Variants in QKI observed in about 807,000 individuals in gnomAD.
QKI encodes QKI, KH domain containing RNA binding, also known as KH domain-containing RNA-binding protein QKI.
QKI carries 10 observed loss-of-function variants against 39.0 expected under a neutral mutation model. The observed-to-expected ratio is 0.26, with a 90% CI of 0.16 to 0.43. The LOEUF (loss-of-function observed/expected upper bound fraction) is 0.43, where lower values mean the gene tolerates loss of function less well. Ranked by LOEUF, QKI falls within the 20% of genes least tolerant of loss-of-function variation. The pLI is 1.00. For missense variants in QKI, 218 were observed against 428.0 expected, an observed-to-expected ratio of 0.51 and a Z score of 4.33; for synonymous variants, 204 against 155.4, an observed-to-expected ratio of 1.31 and a Z score of -2.33.
intron 4 of QKI, among the ~76,000 whole-genome samples, chr6:163,539,029 T>C (rs57992259): frequency 0.02 from 2,990 of 152,280 alleles, 94 homozygotes; most frequent in African/African-American, 0.068. Flanking sequence ...GAATTAAGAA[T>C]TGTCATTAGA....
intron 1 of QKI, among the ~76,000 whole-genome samples, chr6:163,421,051 A>G (rs1760124399): frequency 6.6e-6 from 1 of 151,222 alleles, no homozygotes; most frequent in Admixed American, 6.8e-5. Context: ...TCTCAAAGAT[A>G]GGGTATGTGC....
At chr6:163,436,414 C>A (rs1438830651) in intron 1 of QKI, among the ~76,000 whole-genome samples, 1 of 152,044 alleles carries the variant, frequency 6.6e-6, no homozygotes, top group Admixed American at 6.6e-5. Context: ...AAGTTTAAAG[C>A]AAGTATGAGA....
At chr6:163,485,363 G>A (rs1171539288) in intron 3 of QKI, among the ~76,000 whole-genome samples, 1 of 152,214 alleles carries the variant, frequency 6.6e-6, no homozygotes, top group Admixed American at 6.5e-5. Context: ...ACAGGTGGGA[G>A]TCAGCTGGTT....
At chr6:163,564,915 A>G (rs1161930259) in intron 6 of QKI, 2 of 1,362,408 alleles carry the variant, frequency 1.5e-6, no homozygotes, top group Non-Finnish European at 9.4e-7. Context: ...CAGCATTAAT[A>G]TTGATTTATA....
chr6:163,457,828 C>A (rs1184849855), intron 2 of QKI, among the ~76,000 whole-genome samples: 1 of 151,986 alleles, frequency 6.6e-6, no homozygotes, highest in East Asian at 1.9e-4. Context: ...ACAAATGAAT[C>A]TATAGCTGTA....
At chr6:163,482,563 T>G (rs1793155226) in intron 3 of QKI, among the ~76,000 whole-genome samples, 1 of 150,444 alleles carries the variant, frequency 6.6e-6, no homozygotes, top group Non-Finnish European at 1.5e-5. Flanking sequence ...AAATGTGTTT[T>G]TTTGCAAGTC....
At chr6:163,437,113 T>TA (rs1390166893) in intron 1 of QKI, among the ~76,000 whole-genome samples, 1 of 152,212 alleles carries the variant, frequency 6.6e-6, no homozygotes, top group Non-Finnish European at 1.5e-5. Context: ...AATTCAGAGG[T>TA]AAAGCCTTTG....
At chr6:163,512,658 C>A (rs1178634914) in intron 3 of QKI, among the ~76,000 whole-genome samples, 2 of 152,032 alleles carry the variant, frequency 1.3e-5, no homozygotes, top group Non-Finnish European at 2.9e-5. Context: ...ATCTAATTAT[C>A]AAAAAGAACA....
At chr6:163,498,981 A>T (rs571841648) in intron 3 of QKI, among the ~76,000 whole-genome samples, 1 of 152,294 alleles carries the variant, frequency 6.6e-6, no homozygotes, top group African/African-American at 2.4e-5. Context: ...ATGTGCACAT[A>T]GCCTGAAGGT....
At chr6:163,456,394 A>G (rs1028378040) in intron 2 of QKI, among the ~76,000 whole-genome samples, 1 of 152,168 alleles carries the variant, frequency 6.6e-6, no homozygotes, top group African/African-American at 2.4e-5. Context: ...TAATATTGGC[A>G]CATAATAGGT....
chr6:163,531,431 G>A (rs1022357344), intron 3 of QKI, among the ~76,000 whole-genome samples: 1 of 152,190 alleles, frequency 6.6e-6, no homozygotes, highest in Non-Finnish European at 1.5e-5. Context: ...GTGGACAGGG[G>A]ATATGGGAAT....
At chr6:163,569,786 C>G in intron 7 of QKI, 1 of 984,910 alleles carries the variant, frequency 1.0e-6, no homozygotes, top group Non-Finnish European at 1.2e-6. Flanking sequence ...AGAGTATTAG[C>G]TTTGAAATTG....
intron 3 of QKI, among the ~76,000 whole-genome samples, chr6:163,509,609 T>C (rs187045019): frequency 6.6e-6 from 1 of 152,150 alleles, no homozygotes; most frequent in Non-Finnish European, 1.5e-5. Flanking sequence ...CCTTGAAAAG[T>C]TAAAGATTTG....
At chr6:163,437,953 G>A (rs1211123343) in intron 1 of QKI, among the ~76,000 whole-genome samples, 1 of 152,114 alleles carries the variant, frequency 6.6e-6, no homozygotes, top group Non-Finnish European at 1.5e-5. Flanking sequence ...GTATTTGACG[G>A]TCATTTTCAT....
intron 7 of QKI, chr6:163,568,516 C>T: frequency 2.0e-6 from 2 of 984,418 alleles, no homozygotes; most frequent in Non-Finnish European, 2.4e-6. Flanking sequence ...TTTTTAGTAA[C>T]AGAGTACTCG....
intron 3 of QKI, among the ~76,000 whole-genome samples, chr6:163,499,078 T>G (rs1409557321): frequency 1.3e-5 from 2 of 152,162 alleles, no homozygotes; most frequent in Non-Finnish European, 2.9e-5. Context: ...GACACAGGTA[T>G]GCAGTTCTAC....
At chr6:163,495,540 GTTAC>G (rs989001956) in intron 3 of QKI, among the ~76,000 whole-genome samples, 2 of 152,036 alleles carry the variant, frequency 1.3e-5, no homozygotes, top group African/African-American at 4.8e-5. Flanking sequence ...CTTTTACATA[GTTAC>G]TTTATCAAAT....
rs73787652 is a variant in QKI at position 163,450,738 on chromosome 6, G to A, written c.143-4541G>A. On this transcript the variant is annotated intron_variant, in intron 1 of 7. Coordinates refer to ENST00000361752, the MANE Select transcript of QKI (RefSeq NM_006775.3). ...AATAGTTTTCAGCGTAGTGAAATTC[G>A]AAAAAAAAAAAGTAAATTCAAAAAA... 3.7e-3 allele frequency among the ~76,000 whole-genome samples: 525 copies of A among 143,612 alleles called. 3 individuals carry two copies. The highest frequency in any genetic ancestry group is 0.012 in the African/African-American group (483 of 39,334). The allele number at this position is 143,612 out of a possible 152,430, so 94.2% of individuals were successfully genotyped here. A position where few individuals can be genotyped will look rare whatever the true frequency, so the allele number is the denominator to read the frequency against.
intron 1 of QKI, among the ~76,000 whole-genome samples, chr6:163,429,335 T>G (rs1433436422): frequency 6.6e-6 from 1 of 152,164 alleles, no homozygotes; most frequent in African/African-American, 2.4e-5. Context: ...TCTTAATGTT[T>G]CCTTGTAGTC....
Sources: allele counts gnomAD v4.1 joint callset (sites outside exome capture counted in the v4.1 genomes callset), GRCh38; gene constraint gnomAD v4.1.1; transcripts MANE v1.5; gene names NCBI Gene and HGNC (gene_info 2026-07-23, HGNC 2026-07-21).